The following NAALADL2 variants were observed in gnomAD, a reference collection of about 807,000 sequenced individuals.
NAALADL2 encodes N-acetylated alpha-linked acidic dipeptidase like 2.
A neutral mutation model predicts 87.2 loss-of-function variants in NAALADL2; 76 were observed. The ratio of observed to expected loss-of-function variants is 0.87; its 90% CI spans 0.72 to 1.05. The LOEUF (loss-of-function observed/expected upper bound fraction) is 1.05. Ranked by LOEUF, NAALADL2 falls within the 50% of genes least tolerant of loss-of-function variation. NAALADL2 has a pLI of 0.00. For missense variants in NAALADL2, 1,089 were observed against 945.8 expected, an observed-to-expected ratio of 1.15 and a Z score of -1.99; for synonymous variants, 354 against 331.0, an observed-to-expected ratio of 1.07 and a Z score of -0.75.
chr3:175,569,687 A>G (rs918260806), intron 9 of NAALADL2, among the ~76,000 whole-genome samples: 3 of 152,172 alleles, frequency 2.0e-5, no homozygotes. Context: ...TCTGCAAACC[A>G]GGAAGAAAGC....
intron 2 of NAALADL2, among the ~76,000 whole-genome samples, chr3:174,663,596 G>T (rs1725699859): frequency 6.6e-6 from 1 of 152,036 alleles, no homozygotes; most frequent in Admixed American, 6.6e-5. Flanking sequence ...CTAAGAGTGA[G>T]AATTCACTCA....
At chr3:174,567,771 A>G (rs1714457073) in intron 2 of NAALADL2, among the ~76,000 whole-genome samples, 1 of 151,742 alleles carries the variant, frequency 6.6e-6, no homozygotes, top group African/African-American at 2.4e-5. Flanking sequence ...TTAAATGGAA[A>G]GAAAAGAATC....
chr3:174,491,427 C>T (rs975332641), intron 1 of NAALADL2, among the ~76,000 whole-genome samples: 6 of 152,036 alleles, frequency 3.9e-5, no homozygotes, highest in Non-Finnish European at 5.9e-5. Context: ...TTAAACAAAT[C>T]GTGTTTAATA....
intron 2 of NAALADL2, among the ~76,000 whole-genome samples, chr3:175,188,947 C>G (rs1275637282): frequency 6.6e-6 from 1 of 152,062 alleles, no homozygotes; most frequent in Non-Finnish European, 1.5e-5. Context: ...CACCCTTCCT[C>G]CCACAATCAA....
chr3:174,876,986 C>A (rs1173988100), intron 1 of NAALADL2, among the ~76,000 whole-genome samples: 1 of 152,082 alleles, frequency 6.6e-6, no homozygotes, highest in African/African-American at 2.4e-5. Flanking sequence ...CTTACATGGC[C>A]AGGAGAGAAA....
chr3:175,271,684 C>G (rs914639302), intron 4 of NAALADL2, among the ~76,000 whole-genome samples: 5 of 152,096 alleles, frequency 3.3e-5, no homozygotes, highest in Admixed American at 6.6e-5. Flanking sequence ...CCCAGCTACT[C>G]AGGAGGCTGA....
At chr3:175,392,600 A>G (rs1769213917) in intron 5 of NAALADL2, among the ~76,000 whole-genome samples, 1 of 152,166 alleles carries the variant, frequency 6.6e-6, no homozygotes, top group South Asian at 2.1e-4. Context: ...CTTGTCTAAC[A>G]TTGACTTTTT....
chr3:175,574,975 C>T (rs1323467391), intron 9 of NAALADL2, among the ~76,000 whole-genome samples: 2 of 152,140 alleles, frequency 1.3e-5, no homozygotes, highest in African/African-American at 4.8e-5. Context: ...GATGCCATTG[C>T]ATCTCAGAAA....
chr3:175,019,796 A>G (rs1258097349), intron 1 of NAALADL2, among the ~76,000 whole-genome samples: 1 of 152,088 alleles, frequency 6.6e-6, no homozygotes, highest in East Asian at 1.9e-4. Flanking sequence ...GTCACTCAGT[A>G]TATTTGTAAA....
In NAALADL2 at chr3:175,698,483, T is replaced by TTTTATATATA. The variant is rs1398396262; in HGVS notation, c.1897-38822_1897-38821insTTATATATAT. ...TGTGTATATATGTGTGTATATATAT[T>TTTTATATATA]TATATATATATATATATATAAAATC... On this transcript the variant is annotated intron_variant, in intron 11 of 13. Transcript: ENST00000454872. Among the ~76,000 whole-genome samples the TTTTATATATA allele has an allele frequency of 1.9e-3, 131 of 67,740 alleles. 11 individuals are homozygous for TTTTATATATA. Among genetic ancestry groups the TTTTATATATA allele is most frequent in the African/African-American group, 0.011 (119 of 11,058 alleles). The allele number at this position is 67,740 out of a possible 152,430, so 44.4% of individuals were successfully genotyped here.
rs142318753 is a variant in NAALADL2 at position 174,511,261 on chromosome 3, C to T, written c.-183-39308C>T. On this transcript the variant is annotated intron_variant, in intron 1 of 3. Transcript: ENST00000434257. ...TTGTTTTATCAATTGCTGAGAAAGA[C>T]ATGTTGAAGTCTCTAATTTACATAT... Among the ~76,000 whole-genome samples the T allele has an allele frequency of 2.2e-3, 339 of 151,964 alleles. 1 individual carries two copies. The highest frequency in any genetic ancestry group is 7.6e-3 in the African/African-American group (314 of 41,488).
In NAALADL2 at chr3:175,209,037, G is replaced by A. The variant is rs1741382296; in HGVS notation, c.546-24894G>A. Among the ~76,000 whole-genome samples the A allele has an allele frequency of 2.0e-5, 3 of 152,090 alleles. No individual in the cohort carries two copies. In the South Asian group the frequency reaches 6.2e-4, roughly 31 times the overall value. ...GGAACTTCTATTCTGACATTAAAAAGCAAAAGCTTTGTTTAATTGAAAGGG... is the reference window on the plus strand; with the variant it reads ...GGAACTTCTATTCTGACATTAAAAAACAAAAGCTTTGTTTAATTGAAAGGG... On this transcript the variant is annotated intron_variant, in intron 2 of 13. Transcript: ENST00000454872.
intron 10 of NAALADL2, among the ~76,000 whole-genome samples, chr3:175,594,187 C>T (rs1044922436): frequency 6.6e-6 from 1 of 151,970 alleles, no homozygotes; most frequent in Non-Finnish European, 1.5e-5. Flanking sequence ...GTCTATTGTT[C>T]CCATGTTTAT....
chr3:175,059,936 G>C (rs368712194), intron 1 of NAALADL2: 1 of 416,402 alleles, frequency 2.4e-6, no homozygotes, highest in Admixed American at 2.9e-5. Context: ...ACATCTGCTT[G>C]TGGTGGCACA....
At chr3:175,105,756 AAG>A (rs1723035579) in intron 2 of NAALADL2, among the ~76,000 whole-genome samples, 1 of 97,188 alleles carries the variant, frequency 1.0e-5, no homozygotes. Context: ...TTGAAGATAG[AAG>A]ATTTTTTTCT....
At chr3:174,528,747 G>A (rs1178355549) in intron 1 of NAALADL2, among the ~76,000 whole-genome samples, 1 of 152,134 alleles carries the variant, frequency 6.6e-6, no homozygotes, top group Admixed American at 6.5e-5. Context: ...CTCACATGGT[G>A]GCAGATAAGA....
At chr3:175,358,575 A>G (rs1764642503) in intron 5 of NAALADL2, among the ~76,000 whole-genome samples, 2 of 152,100 alleles carry the variant, frequency 1.3e-5, no homozygotes, top group African/African-American at 4.8e-5. Context: ...AACCTATGAA[A>G]GTGACAGAAT....
intron 9 of NAALADL2, among the ~76,000 whole-genome samples, chr3:175,516,982 A>G (rs1474185763): frequency 6.6e-6 from 1 of 152,130 alleles, no homozygotes; most frequent in East Asian, 1.9e-4. Context: ...ATGGGCCTGT[A>G]TCTGTATCTA....
rs552117524 is a variant in NAALADL2 at position 174,507,762 on chromosome 3, A to G, written c.-183-42807A>G. ...GTTCTTTTTATTGCTGAGCAGTGTT[A>G]TGGCTATCCCACAACTTGTTTATCC... On this transcript the variant is annotated intron_variant, in intron 1 of 3. Coordinates refer to the NAALADL2 transcript ENST00000434257. Among the ~76,000 whole-genome samples, 3 of 152,178 alleles carry G rather than the reference A, an allele frequency of 2.0e-5. No individual in the cohort carries two copies. In the East Asian group the frequency reaches 5.8e-4, roughly 29 times the overall value.
Sources: allele counts gnomAD v4.1 joint callset (sites outside exome capture counted in the v4.1 genomes callset), GRCh38; gene constraint gnomAD v4.1.1; transcripts MANE v1.5; gene names NCBI Gene and HGNC (gene_info 2026-07-23, HGNC 2026-07-21).